GLIS3: variants seen among roughly 807,000 people sequenced by gnomAD.
GLIS3 encodes the protein zinc finger protein GLIS3.
GLIS3 carries 53 observed loss-of-function variants against 78.6 expected under a neutral mutation model. The ratio of observed to expected loss-of-function variants is 0.67; its 90% CI spans 0.54 to 0.85. The LOEUF is 0.85. GLIS3 is among the 40% of genes least tolerant of loss of function. The probability of loss-of-function intolerance (pLI) is 0.00; values close to 1 mark genes in which losing one functional copy is unlikely to be tolerated. For synonymous variants in GLIS3, 684 were observed against 509.9 expected (o/e 1.34, Z -4.60); for missense variants, 1,703 against 1,231.1 (o/e 1.38, Z -5.74).
At chr9:4,023,329 A>C (rs925321354) in intron 4 of GLIS3, among the ~76,000 whole-genome samples, 13 of 152,304 alleles carry the variant, frequency 8.5e-5, no homozygotes, top group Admixed American at 5.2e-4. Context: ...GAAAGTATTC[A>C]GAAAATTTAA....
intron 2 of GLIS3, among the ~76,000 whole-genome samples, chr9:4,340,580 GGAGT>G (rs1459784507): frequency 6.6e-6 from 1 of 152,164 alleles, no homozygotes; most frequent in African/African-American, 2.4e-5. Flanking sequence ...CAGGAATGAG[GGAGT>G]GAGGGTGATG....
At chr9:3,915,151 C>T (rs1026764826) in intron 6 of GLIS3, among the ~76,000 whole-genome samples, 2 of 152,142 alleles carry the variant, frequency 1.3e-5, no homozygotes, top group Non-Finnish European at 2.9e-5. Flanking sequence ...TCTCCTAGAG[C>T]CTTCCTATAG....
chr9:3,890,751 C>CA (rs1308856147), intron 7 of GLIS3, among the ~76,000 whole-genome samples: 1 of 148,780 alleles, frequency 6.7e-6, no homozygotes, highest in African/African-American at 2.6e-5. Context: ...ACAAACCAAA[C>CA]AACAACAACA....
intron 2 of GLIS3, among the ~76,000 whole-genome samples, chr9:4,141,217 A>C (rs1193698687): frequency 6.6e-6 from 1 of 152,156 alleles, no homozygotes; most frequent in Admixed American, 6.5e-5. Flanking sequence ...GGGAGACAGA[A>C]GGAGAGAGAG....
At chr9:4,290,039 A>C (rs1487999246) in intron 1 of GLIS3, among the ~76,000 whole-genome samples, 1 of 152,148 alleles carries the variant, frequency 6.6e-6, no homozygotes, top group Non-Finnish European at 1.5e-5. Flanking sequence ...TAAAAGATTA[A>C]ACAAACGAAA....
upstream of GLIS3, among the ~76,000 whole-genome samples, chr9:4,302,813 A>G (rs560130177): frequency 3.9e-5 from 6 of 152,330 alleles, no homozygotes; most frequent in South Asian, 4.1e-4. Context: ...GATGAGCACA[A>G]TGAAGTTTGT....
At chr9:4,226,855 G>A (rs1392698426) in intron 2 of GLIS3, among the ~76,000 whole-genome samples, 1 of 152,222 alleles carries the variant, frequency 6.6e-6, no homozygotes, top group Non-Finnish European at 1.5e-5. Context: ...TCAGTAAGTG[G>A]TGGCAATTAT....
the GLIS3 span, among the ~76,000 whole-genome samples, chr9:4,428,010 A>T: frequency 6.6e-6 from 1 of 152,200 alleles, no homozygotes; most frequent in East Asian, 1.9e-4. Flanking sequence ...AATATTTTCC[A>T]CATAACCAAG....
chr9:3,991,594 T>C (rs1820240871), intron 4 of GLIS3, among the ~76,000 whole-genome samples: 1 of 152,120 alleles, frequency 6.6e-6, no homozygotes, highest in African/African-American at 2.4e-5. Context: ...TTCATTTTTG[T>C]TTTAATTATA....
chr9:4,123,547 T>G (rs543318381), intron 3 of GLIS3: 12 of 265,964 alleles, frequency 4.5e-5, no homozygotes, highest in African/African-American at 6.6e-5. Context: ...TTTAAAATTA[T>G]AATTTTATTT....
At chr9:4,015,254 G>C (rs1217404885) in intron 4 of GLIS3, among the ~76,000 whole-genome samples, 2 of 152,090 alleles carry the variant, frequency 1.3e-5, no homozygotes, top group African/African-American at 4.8e-5. Context: ...GGGATAAATT[G>C]GTAGCATTAG....
At chr9:4,407,171 G>C in the GLIS3 span, among the ~76,000 whole-genome samples, 1 of 152,106 alleles carries the variant, frequency 6.6e-6, no homozygotes, top group Non-Finnish European at 1.5e-5. Context: ...TTCAACAAAG[G>C]TACCAAGAAC....
intron 2 of GLIS3, among the ~76,000 whole-genome samples, chr9:4,336,133 G>A (rs1379136914): frequency 6.6e-6 from 1 of 152,214 alleles, no homozygotes; most frequent in Non-Finnish European, 1.5e-5. Flanking sequence ...CACAATAGCA[G>A]TAGAAAGCAA....
At chr9:3,994,880 G>A (rs1167399692) in intron 4 of GLIS3, among the ~76,000 whole-genome samples, 1 of 151,456 alleles carries the variant, frequency 6.6e-6, no homozygotes, top group African/African-American at 2.5e-5. Flanking sequence ...CAGATAAAGT[G>A]AGGGAATGCC....
chr9:4,093,479 G>C (rs1829692898), intron 4 of GLIS3, among the ~76,000 whole-genome samples: 1 of 152,180 alleles, frequency 6.6e-6, no homozygotes, highest in South Asian at 2.1e-4. Flanking sequence ...GCCAAAGCCT[G>C]AACAGAAGGG....
the GLIS3 span, among the ~76,000 whole-genome samples, chr9:4,393,067 G>C: frequency 1.3e-3 from 190 of 151,992 alleles, no homozygotes; most frequent in Non-Finnish European, 2.2e-3. Context: ...TGTAAAAAAT[G>C]TTTATTGTAA....
In GLIS3 at chr9:4,093,482, C is replaced by CAGAA. The variant is rs1404245190; in HGVS notation, c.1710+24282_1710+24285dup. Among the ~76,000 whole-genome samples the CAGAA allele has an allele frequency of 2.0e-5, 3 of 152,170 alleles. No individual in the cohort carries two copies. The East Asian group carries it at 5.8e-4, about 29-fold the overall frequency. On this transcript the variant is annotated intron_variant, in intron 4 of 10. Coordinates refer to ENST00000381971, the MANE Select transcript of GLIS3 (RefSeq NM_001042413.2). ...AGGGGCTATTCAGCCAAAGCCTGAACAGAAGGGTGGCCTGAAGGCTTAAAA... is the reference window on the plus strand; with the variant it reads ...AGGGGCTATTCAGCCAAAGCCTGAACAGAAAGAAGGGTGGCCTGAAGGCTTAAAA...
intron 2 of GLIS3, among the ~76,000 whole-genome samples, chr9:4,170,269 T>A (rs1293910192): frequency 2.0e-5 from 3 of 152,198 alleles, no homozygotes; most frequent in Admixed American, 2.0e-4. Flanking sequence ...GAAAAATTTA[T>A]AGAAGGGCAA....
intron 2 of GLIS3, among the ~76,000 whole-genome samples, chr9:4,312,835 G>A (rs1482136932): frequency 2.0e-5 from 3 of 152,160 alleles, no homozygotes; most frequent in Non-Finnish European, 4.4e-5. Context: ...CTCATCCATA[G>A]GAAAAGCTAA....
Sources: gnomAD v4.1 joint callset for allele counts (sites outside exome capture counted in the v4.1 genomes callset) on GRCh38, gnomAD v4.1.1 for gene constraint, MANE v1.5 for transcripts, NCBI Gene and HGNC (gene_info 2026-07-23, HGNC 2026-07-21) for gene names.